PRKCZ: variants seen among roughly 807,000 people sequenced by gnomAD.
PRKCZ encodes protein kinase C zeta type.
PRKCZ carries 33 observed loss-of-function variants against 79.5 expected under a neutral mutation model. That is an observed-to-expected ratio of 0.41 (90% CI 0.31 to 0.55). The LOEUF (loss-of-function observed/expected upper bound fraction) is 0.55. PRKCZ is among the 20% of genes least tolerant of loss of function. PRKCZ has a pLI of 0.19. For missense variants in PRKCZ, 578 were observed against 813.5 expected, an observed-to-expected ratio of 0.71 and a Z score of 3.52; for synonymous variants, 342 against 320.9, an observed-to-expected ratio of 1.07 and a Z score of -0.70.
At chr1:2,090,087 T>G (rs542462264) in intron 4 of PRKCZ, among the ~76,000 whole-genome samples, 14 of 152,240 alleles carry the variant, frequency 9.2e-5, no homozygotes, top group African/African-American at 3.1e-4. Context: ...CCCTCTGTTA[T>G]GAGAACAGCA....
intron 10 of PRKCZ, among the ~76,000 whole-genome samples, chr1:2,167,262 G>A (rs936251162): frequency 6.6e-6 from 1 of 152,238 alleles, no homozygotes; most frequent in Non-Finnish European, 1.5e-5. Context: ...AAGGGGAAGC[G>A]GCCTCCGCCT....
chr1:2,178,405 C>T lies in PRKCZ; in HGVS notation c.1575+3092C>T, dbSNP rs572250697. 5.9e-5 allele frequency among the ~76,000 whole-genome samples: 9 copies of T among 152,352 alleles called. No homozygotes were observed. The Middle Eastern group carries it at 0.01, about 173-fold the overall frequency. On this transcript the variant is annotated intron_variant, in intron 16 of 17. Transcript: ENST00000378567. This position sits in a 1 kb window ranked among gnomAD's most constrained non-coding sequence, Gnocchi z 4.3. ...TGAACCCCACCCACTGCGTCCACTG[C>T]GTGGAGACTGCACCTCTGCATCCGT...
intron 4 of PRKCZ, among the ~76,000 whole-genome samples, chr1:2,103,313 C>G (rs1338043448): frequency 6.6e-6 from 1 of 152,180 alleles, no homozygotes; most frequent in African/African-American, 2.4e-5. Context: ...AAGGCTTCCC[C>G]GGGAGAGCGG....
rs570446288 is a variant in PRKCZ, at chr1:2,127,642, G to A, written c.335-7620G>A. On this transcript the variant is annotated intron_variant, in intron 4 of 17. Coordinates refer to ENST00000378567, the MANE Select transcript of PRKCZ (RefSeq NM_002744.6). The surrounding 1 kb of genome is among the most constrained non-coding windows in gnomAD (Gnocchi z 5.1). The stretch of plus-strand genomic sequence containing the variant: ...ATGCAGTGGGAGCTCTGGTGCAGGT[G>A]TAGCCGAGGCTCAGGGGCTCCACAC... Among the ~76,000 whole-genome samples the A allele has an allele frequency of 1.3e-5, 2 of 152,366 alleles. No homozygotes were observed. The highest frequency in any genetic ancestry group is 4.8e-5 in the African/African-American group (2 of 41,596).
In PRKCZ at chr1:2,165,401, C is replaced by T. The variant is rs191586912; in HGVS notation, c.975-4117C>T. ...CTGACAAGCCAGGAGCTGTGTGAGC[C>T]GGAGAACGTCCCCTAACCTGTCTGT... On this transcript the variant is annotated intron_variant, in intron 10 of 17. Transcript: ENST00000378567. The surrounding 1 kb of genome is among the most constrained non-coding windows in gnomAD (Gnocchi z 4.1). Among the ~76,000 whole-genome samples the T allele has an allele frequency of 9.2e-5, 14 of 152,250 alleles. No homozygotes were observed. The East Asian group carries it at 1.5e-3, about 17-fold the overall frequency.
At chr1:2,056,320 G>A (rs1660155420) in intron 2 of PRKCZ, among the ~76,000 whole-genome samples, 164 bp from the exon 3 acceptor site, 1 of 152,218 alleles carries the variant, frequency 6.6e-6, no homozygotes, top group South Asian at 2.1e-4. Flanking sequence ...TCCCTAGTGT[G>A]GACGGCCGTC....
In PRKCZ at chr1:2,124,898, G is replaced by A. The variant is rs149467878; in HGVS notation, c.335-10364G>A. ...GGTTTTTACTTATTTTCCAGCTTTC[G>A]TCGATTGTTCGTGGGAGGAGGGTTA... On this transcript the variant is annotated intron_variant, in intron 4 of 17. Transcript: ENST00000378567. 3.0e-4 allele frequency among the ~76,000 whole-genome samples: 46 copies of A among 152,216 alleles called. 1 individual carries two copies. The East Asian group carries it at 7.7e-3, about 26-fold the overall frequency.
chr1:2,089,564 C>T (rs989603748), intron 4 of PRKCZ, among the ~76,000 whole-genome samples: 4 of 152,134 alleles, frequency 2.6e-5, no homozygotes, highest in Admixed American at 2.0e-4. Flanking sequence ...GTCTTCTTCA[C>T]GTGATAAAGG....
chr1:2,150,725 C>T (rs1679722110), intron 8 of PRKCZ, 65 bp from the exon 9 acceptor site: 9 of 1,487,492 alleles, frequency 6.1e-6, no homozygotes, highest in Non-Finnish European at 7.4e-6. Context: ...ATGAGTGATG[C>T]GTGGTCCTCT....
At chr1:2,144,779 C>T (rs1006039338) in intron 6 of PRKCZ, 16 of 346,564 alleles carry the variant, frequency 4.6e-5, no homozygotes, top group Non-Finnish European at 6.6e-5. Flanking sequence ...GTGATGAGGG[C>T]GGCACCTTCC....
At chr1:2,060,663 G>A (rs1409776431) in intron 4 of PRKCZ, among the ~76,000 whole-genome samples, 7 of 152,250 alleles carry the variant, frequency 4.6e-5, no homozygotes, top group Non-Finnish European at 8.8e-5. Flanking sequence ...CACCGTGGCC[G>A]GCAAGGCCGA....
chr1:2,124,723 T>A lies in PRKCZ; in HGVS notation c.335-10539T>A, dbSNP rs941359626. ...TGTCCTGGTGGCCCTGAACCCCAGT[T>A]TTTGTCTCCAGTGAGATGCCTGGCC... On this transcript the variant is annotated intron_variant, in intron 4 of 17. Transcript: ENST00000378567. Among the ~76,000 whole-genome samples, 51 of 152,052 alleles carry A rather than the reference T, an allele frequency of 3.4e-4. 1 individual carries two copies. The highest frequency in any genetic ancestry group is 1.2e-3 in the African/African-American group (51 of 41,388).
chr1:2,121,771 G>GGTTCGTGGTGGT, intron 4 of PRKCZ, among the ~76,000 whole-genome samples: 1 of 86,356 alleles, frequency 1.2e-5, no homozygotes, highest in Non-Finnish European at 2.2e-5. Flanking sequence ...GCGGTGGTTA[G>GGTTCGTGGTGGT]GGTCACGGTG....
chr1:2,119,213 C>CT (rs201938015), intron 4 of PRKCZ, among the ~76,000 whole-genome samples: 31,832 of 126,400 alleles, frequency 0.25, 4,800 homozygotes, highest in Non-Finnish European at 0.31. Context: ...TTATTTTTTC[C>CT]TTTTTTTTTT....
rs973543593 is a variant in PRKCZ at position 2,074,107 on chromosome 1, C to T, written c.334+14516C>T. On this transcript the variant is annotated intron_variant, in intron 4 of 17. Coordinates refer to ENST00000378567, the MANE Select transcript of PRKCZ (RefSeq NM_002744.6). ...CCGGGCAGCAACACGGCTGGTGCCACGGCCCGGGGAAGGCGTGCGGCTGCA... is the reference window on the plus strand; with the variant it reads ...CCGGGCAGCAACACGGCTGGTGCCATGGCCCGGGGAAGGCGTGCGGCTGCA... The T allele has an allele frequency of 1.6e-5, 24 of 1,507,162 alleles. 1 individual carries two copies. In the Middle Eastern group the frequency reaches 5.3e-4, roughly 33 times the overall value. 93.4% of individuals were successfully genotyped at this position (1,507,162 alleles called of 1,614,324 possible).
rs1471967977 is a variant in PRKCZ at position 2,050,466 on chromosome 1, T to A, written c.-165T>A. The A allele has an allele frequency of 8.1e-6, 2 of 248,102 alleles. No homozygotes were observed. The highest frequency in any genetic ancestry group is 1.0e-4 in the East Asian group (1 of 9,912). The allele number at this position is 248,102 out of a possible 1,614,324, so 15.4% of individuals were successfully genotyped here. ...CGGTCCCGCCCCGCGCGCCCCCCGC[T>A]CCCGCCCCGCGCGCCGCCGGAGTTC... is the stretch of plus-strand genomic sequence containing the variant. On this transcript the variant is annotated 5_prime_UTR_variant, in exon 1 of 18. Coordinates refer to ENST00000378567, the MANE Select transcript of PRKCZ (RefSeq NM_002744.6).
intron 1 of PRKCZ, among the ~76,000 whole-genome samples, chr1:2,054,837 G>A (rs921424333): frequency 6.6e-6 from 1 of 152,006 alleles, no homozygotes; most frequent in Non-Finnish European, 1.5e-5. Flanking sequence ...TAACGTTGCC[G>A]GACCTCCCAC....
intron 17 of PRKCZ, 52 bp downstream of exon 17, chr1:2,184,750 G>T: frequency 6.5e-7 from 1 of 1,543,266 alleles, no homozygotes; most frequent in Non-Finnish European, 8.8e-7. Context: ...CAGCCCCATG[G>T]CAGGCCGGCA....
At chr1:2,184,782 G>A in intron 17 of PRKCZ, 84 bp downstream of exon 17, 1 of 1,441,620 alleles carries the variant, frequency 6.9e-7, no homozygotes, top group Non-Finnish European at 9.5e-7. Flanking sequence ...TGGTGACCCA[G>A]CCTGCCCTTG....
Sources: allele counts gnomAD v4.1 joint callset (sites outside exome capture counted in the v4.1 genomes callset), GRCh38; gene constraint gnomAD v4.1.1; non-coding constraint Gnocchi (gnomAD v3.1); transcripts MANE v1.5; gene names NCBI Gene and HGNC (gene_info 2026-07-23, HGNC 2026-07-21).